The following CUEDC1 variants were observed in gnomAD, a reference collection of about 807,000 sequenced individuals.
The protein encoded by CUEDC1 is CUE domain containing 1, also known as CUE domain-containing protein 1.
Under a neutral mutation model 43.7 loss-of-function variants are expected in CUEDC1, and 30 were observed. That is an observed-to-expected ratio of 0.69 (90% CI 0.51 to 0.93). The LOEUF is 0.93. CUEDC1 is among the 40% of genes least tolerant of loss of function. The pLI is 0.00. For missense variants in CUEDC1, 486 were observed against 549.0 expected, an observed-to-expected ratio of 0.89 and a Z score of 1.15; for synonymous variants, 223 against 223.6, an observed-to-expected ratio of 1.00 and a Z score of 0.02.
chr17:57,904,141 G>A (rs1218489601), intron 1 of CUEDC1, among the ~76,000 whole-genome samples: 1 of 151,992 alleles, frequency 6.6e-6, no homozygotes, highest in Non-Finnish European at 1.5e-5. Flanking sequence ...AGCTGGCAGG[G>A]GGCAGCCCCA....
At chr17:57,940,665 AAT>A (rs2074909107) in intron 1 of CUEDC1, among the ~76,000 whole-genome samples, 1 of 152,196 alleles carries the variant, frequency 6.6e-6, no homozygotes. Context: ...AAAGCACAGG[AAT>A]TTTTCAGCCT....
intron 1 of CUEDC1, among the ~76,000 whole-genome samples, chr17:57,911,278 C>T (rs1043986792): frequency 5.3e-5 from 8 of 152,206 alleles, no homozygotes; most frequent in Admixed American, 2.0e-4. Flanking sequence ...AAGCCCTGTC[C>T]ATCCTTCAAG....
chr17:57,905,245 C>G (rs146039802), intron 1 of CUEDC1, among the ~76,000 whole-genome samples: 193 of 136,978 alleles, frequency 1.4e-3, no homozygotes, highest in African/African-American at 5.5e-3. Flanking sequence ...CTCTCTCTCT[C>G]TCTGACACAC....
chr17:57,885,366 C>A lies in CUEDC1; in HGVS notation c.199G>T (p.Glu67Ter), dbSNP rs1221718366. Residue 67 changes from glutamate to a stop codon, truncating the protein, a stop_gained, in exon 2 of 11, where the codon GAA (glutamate) becomes TAA (stop). Coordinates refer to ENST00000577830, the MANE Select transcript of CUEDC1 (RefSeq NM_001271875.2). LOFTEE classifies it high-confidence loss of function. The stretch of plus-strand genomic sequence containing the variant: ...CCGCTGTTGGCGCGCAGCACGCATT[C>A]GATGATGTCGTAATCCATGTTGGGG... ...MFPNMDYDII[E>*]CVLRANSGAV... 1 of 1,612,264 alleles carries A rather than the reference C, an allele frequency of 6.2e-7. No individual in the cohort carries two copies. Among genetic ancestry groups the A allele is most frequent in the East Asian group, 2.2e-5 (1 of 44,868 alleles).
intron 1 of CUEDC1, among the ~76,000 whole-genome samples, chr17:57,934,476 G>A (rs1296190473): frequency 1.4e-5 from 2 of 142,518 alleles, no homozygotes; most frequent in African/African-American, 2.6e-5. Context: ...GGTATAGCTT[G>A]AGCCCACAAA....
Position 57,954,457 on chromosome 17 carries a change from T to A in CUEDC1, c.-316+768A>T, listed in dbSNP as rs1312336516. Among the ~76,000 whole-genome samples, 3 of 151,794 alleles carry A rather than the reference T, an allele frequency of 2.0e-5. No individual in the cohort carries two copies. Among genetic ancestry groups the A allele is most frequent in the Non-Finnish European group, 4.4e-5 (3 of 67,954 alleles). On this transcript the variant is annotated intron_variant, in intron 1 of 10. Transcript: ENST00000577830. This position sits in a 1 kb window ranked among gnomAD's most constrained non-coding sequence, Gnocchi z 4.3. ...AAACTTTTTTTAAGGGGAAAAGAAA[T>A]GGGCAGGGCAGTGCTGGGTGTAAGG...
At chr17:57,886,258 C>A (rs2074289423) in intron 1 of CUEDC1, among the ~76,000 whole-genome samples, 1 of 152,216 alleles carries the variant, frequency 6.6e-6, no homozygotes, top group Non-Finnish European at 1.5e-5. Context: ...CCTCAAGTCA[C>A]TGGTCTCTAC....
At chr17:57,881,436 T>C (rs1422381906) in intron 2 of CUEDC1, among the ~76,000 whole-genome samples, 1 of 152,258 alleles carries the variant, frequency 6.6e-6, no homozygotes, top group Non-Finnish European at 1.5e-5. Context: ...TCCTGTTCCC[T>C]GGCGACTCTC....
intron 2 of CUEDC1, among the ~76,000 whole-genome samples, chr17:57,881,052 T>A (rs2074197608): frequency 6.6e-6 from 1 of 152,244 alleles, no homozygotes; most frequent in African/African-American, 2.4e-5. Flanking sequence ...GCTGCCTGTA[T>A]AAGCCTGGGC....
chr17:57,877,580 A>G (rs1290142086), intron 3 of CUEDC1, among the ~76,000 whole-genome samples: 2 of 147,364 alleles, frequency 1.4e-5, no homozygotes, highest in East Asian at 4.0e-4. Flanking sequence ...TGGAATATTA[A>G]AAAAAAAAAA....
intron 1 of CUEDC1, among the ~76,000 whole-genome samples, chr17:57,939,696 C>A (rs1440479506): frequency 6.6e-6 from 1 of 152,174 alleles, no homozygotes; most frequent in Non-Finnish European, 1.5e-5. Flanking sequence ...GCCCTCCTGG[C>A]CCCAGCTGAC....
In CUEDC1 at chr17:57,885,434, C is replaced by T; in HGVS notation, c.131G>A (p.Arg44His). ...GTCCATGGCCTGGTTGAACTCCAGG[C>T]GGCGCACCTGGCGGGCAGGCCGGCT... ...NNSRPARQVR[R>H]LEFNQAMDDF... Residue 44 changes from arginine (R) to histidine (H), a missense_variant, in exon 2 of 11, where the codon CGC (arginine) becomes CAC (histidine). Transcript: ENST00000577830. 3.1e-6 allele frequency: 5 copies of T among 1,601,432 alleles called. No individual in the cohort carries two copies. The highest frequency in any genetic ancestry group is 4.3e-6 in the Non-Finnish European group (5 of 1,175,638).
At chr17:57,950,675 G>A (rs996704582) in intron 1 of CUEDC1, among the ~76,000 whole-genome samples, 8 of 152,006 alleles carry the variant, frequency 5.3e-5, no homozygotes, top group Admixed American at 2.0e-4. Context: ...GTTTCACCAC[G>A]TTGGCCAGGC....
chr17:57,940,826 C>T (rs2074910529), intron 1 of CUEDC1, among the ~76,000 whole-genome samples: 2 of 152,166 alleles, frequency 1.3e-5, no homozygotes, highest in Admixed American at 1.3e-4. Flanking sequence ...TAGGAAGCAC[C>T]CTATCTGGTG....
At chr17:57,901,993 G>A (rs921458576) in intron 1 of CUEDC1, among the ~76,000 whole-genome samples, 1 of 152,122 alleles carries the variant, frequency 6.6e-6, no homozygotes, top group African/African-American at 2.4e-5. Flanking sequence ...GGACAACATG[G>A]TGAAACCCCA....
intron 1 of CUEDC1, among the ~76,000 whole-genome samples, chr17:57,913,715 C>T (rs1409179132): frequency 1.3e-5 from 2 of 152,264 alleles, no homozygotes; most frequent in South Asian, 2.1e-4. Context: ...TCATCCTTCT[C>T]GTCTGAACTG....
rs1285249243 is a variant in CUEDC1, at chr17:57,884,540, T to C, written c.336+689A>G. The stretch of plus-strand genomic sequence containing the variant: ...CAGCGTCAGGGCTTTGTCAACCTCA[T>C]TGATCTCCTCTCACTCTAGGACCCT... On this transcript the variant is annotated intron_variant, in intron 2 of 10. Transcript: ENST00000577830. Among the ~76,000 whole-genome samples the C allele has an allele frequency of 3.3e-5, 5 of 152,276 alleles. No individual in the cohort carries two copies. In the East Asian group the frequency reaches 9.6e-4, roughly 29 times the overall value.
chr17:57,932,935 TAG>T (rs1341459822), intron 1 of CUEDC1, among the ~76,000 whole-genome samples: 4 of 151,964 alleles, frequency 2.6e-5, no homozygotes, highest in African/African-American at 9.7e-5. Flanking sequence ...ACATTTGGGC[TAG>T]AGAGTAAGGG....
At chr17:57,876,075 AG>A (rs1372935913) in intron 3 of CUEDC1, among the ~76,000 whole-genome samples, 3 of 152,182 alleles carry the variant, frequency 2.0e-5, no homozygotes, top group African/African-American at 7.2e-5. Flanking sequence ...TGGAGGTAGC[AG>A]ATGGGGGCCA....
Sources: allele counts gnomAD v4.1 joint callset (sites outside exome capture counted in the v4.1 genomes callset), GRCh38; gene constraint gnomAD v4.1.1; non-coding constraint Gnocchi (gnomAD v3.1); transcripts MANE v1.5; gene names NCBI Gene and HGNC (gene_info 2026-07-23, HGNC 2026-07-21).